Variants in DNAI2 observed in about 807,000 individuals in gnomAD.
DNAI2 encodes the protein dynein axonemal intermediate chain 2, also known as dynein, axonemal, intermediate polypeptide 2.
Under a neutral mutation model 74.7 loss-of-function variants are expected in DNAI2, and 63 were observed. The observed-to-expected ratio is 0.84, with a 90% CI of 0.69 to 1.04. The LOEUF (loss-of-function observed/expected upper bound fraction) is 1.04. Ranked by LOEUF, DNAI2 falls within the 50% of genes least tolerant of loss-of-function variation. DNAI2 has a pLI of 0.00. For synonymous variants in DNAI2, 289 were observed against 314.9 expected (o/e 0.92, Z 0.87); for missense variants, 688 against 803.2 (o/e 0.86, Z 1.73).
intron 12 of DNAI2, among the ~76,000 whole-genome samples, chr17:74,312,864 A>T (rs1376137066): frequency 1.3e-5 from 2 of 152,196 alleles, no homozygotes; most frequent in Non-Finnish European, 2.9e-5. Flanking sequence ...GGAAGAAAAG[A>T]CATTGCCTGT....
intron 8 of DNAI2, among the ~76,000 whole-genome samples, chr17:74,304,186 C>CTTTTTT (rs56696514): frequency 7.9e-3 from 533 of 67,632 alleles, no homozygotes; most frequent in Non-Finnish European, 0.011. Context: ...TTTCTTTTTT[C>CTTTTTT]TTTTTTTTTT....
chr17:74,314,111 T>A lies in DNAI2; in HGVS notation c.1723-10T>A. On this transcript the variant is annotated splice_polypyrimidine_tract_variant and intron_variant, in intron 12 of 13. Transcript: ENST00000311014. ...CAACACCAACACTTCTGTGCTGTCTTCCCCTGCAGCAGCAACCAAGTCCAG... is the reference window on the plus strand; with the variant it reads ...CAACACCAACACTTCTGTGCTGTCTACCCCTGCAGCAGCAACCAAGTCCAG... 1 of 1,613,416 alleles carries A rather than the reference T, an allele frequency of 6.2e-7. No individual in the cohort carries two copies. Among genetic ancestry groups the A allele is most frequent in the Non-Finnish European group, 8.5e-7 (1 of 1,179,646 alleles).
At chr17:74,281,412 C>T in intron 1 of DNAI2, 1 of 409,236 alleles carries the variant, frequency 2.4e-6, no homozygotes, top group Non-Finnish European at 4.4e-6. Context: ...GTGTGCACCA[C>T]CATGCCCGGC....
Position 74,281,935 on chromosome 17 carries a change from C to T in DNAI2, c.118C>T (p.Gln40Ter). 6.2e-7 allele frequency: 1 copy of T among 1,614,192 alleles called. No homozygotes were observed. The highest frequency in any genetic ancestry group is 1.1e-5 in the South Asian group (1 of 91,086). ...CATGCCCAACCCTGAGCTGGCCGAG[C>T]AGTTCGTGGAGCGGAACCCAGTGGA... ...DIMPNPELAE[Q>*]FVERNPVDTG... Residue 40 changes from glutamine (Q) to a stop codon, truncating the protein, a stop_gained, in exon 2 of 14, where the codon CAG (glutamine) becomes TAG (stop). Coordinates refer to ENST00000311014, the MANE Select transcript of DNAI2 (RefSeq NM_023036.6). LOFTEE classifies it high-confidence loss of function.
At chr17:74,280,841 C>G (rs1289226074) in intron 1 of DNAI2, among the ~76,000 whole-genome samples, 3 of 152,022 alleles carry the variant, frequency 2.0e-5, no homozygotes, top group African/African-American at 7.2e-5. Flanking sequence ...AATCCCAGCA[C>G]TTTGGGAGGC....
At chr17:74,276,529 C>T (rs139392038) in intron 1 of DNAI2, among the ~76,000 whole-genome samples, 152 of 152,270 alleles carry the variant, frequency 1.0e-3, no homozygotes, top group African/African-American at 3.4e-3. Context: ...CCTCCTGAGA[C>T]GCCCTTTGCT....
intron 2 of DNAI2, among the ~76,000 whole-genome samples, chr17:74,284,117 A>G (rs2051549387): frequency 6.7e-6 from 1 of 150,090 alleles, no homozygotes; most frequent in African/African-American, 2.5e-5. Context: ...CAGCCTGGGC[A>G]ACAAGAGCGA....
chr17:74,309,408 T>C lies in DNAI2; in HGVS notation c.1347+20T>C. On this transcript the variant is annotated intron_variant, in intron 10 of 13. Coordinates refer to ENST00000311014, the MANE Select transcript of DNAI2 (RefSeq NM_023036.6). Reference sequence around the variant, plus strand: ...TTGAAGGTCACGCGCATGTCCCTCCTTGTGCATCCAGGTCCTCAGGGAGCC... The same window carrying C: ...TTGAAGGTCACGCGCATGTCCCTCCCTGTGCATCCAGGTCCTCAGGGAGCC... The C allele has an allele frequency of 6.2e-7, 1 of 1,614,136 alleles. No homozygotes were observed. Among genetic ancestry groups the C allele is most frequent in the Admixed American group, 1.7e-5 (1 of 60,020 alleles).
In DNAI2 at chr17:74,300,698, G is replaced by A. The variant is rs188108363; in HGVS notation, c.865-348G>A. Among the ~76,000 whole-genome samples the A allele has an allele frequency of 3.3e-5, 5 of 152,264 alleles. No individual in the cohort carries two copies. Among genetic ancestry groups the A allele is most frequent in the Admixed American group, 6.5e-5 (1 of 15,288 alleles). On this transcript the variant is annotated intron_variant, in intron 7 of 13. Coordinates refer to ENST00000311014, the MANE Select transcript of DNAI2 (RefSeq NM_023036.6). The surrounding 1 kb of genome is among the most constrained non-coding windows in gnomAD (Gnocchi z 4.5). ...TTGCTGGCAGTGGGACTTCTAGGTC[G>A]GAGCACACATGCATTTTTAACATTG...
chr17:74,300,846 C>T lies in DNAI2; in HGVS notation c.865-200C>T, dbSNP rs778105683. Among the ~76,000 whole-genome samples the T allele has an allele frequency of 3.3e-5, 5 of 152,162 alleles. No homozygotes were observed. Among genetic ancestry groups the T allele is most frequent in the Non-Finnish European group, 5.9e-5 (4 of 68,034 alleles). On this transcript the variant is annotated intron_variant, in intron 7 of 13. Coordinates refer to ENST00000311014, the MANE Select transcript of DNAI2 (RefSeq NM_023036.6). This position sits in a 1 kb window ranked among gnomAD's most constrained non-coding sequence, Gnocchi z 4.5. ...ATCTGGGTTGTATGAAGCTTGCCGG[C>T]GACTCTGATGATCAGCCAGGTGTGG...
At chr17:74,286,828 A>G in intron 3 of DNAI2, 149 bp from the exon 4 acceptor site, 2 of 963,048 alleles carry the variant, frequency 2.1e-6, no homozygotes. Context: ...CCCAGGAACC[A>G]ATTGAAAATT....
chr17:74,276,688 G>C (rs1051784058), intron 1 of DNAI2, among the ~76,000 whole-genome samples: 1 of 152,116 alleles, frequency 6.6e-6, no homozygotes, highest in Non-Finnish European at 1.5e-5. Context: ...GTTCTCACTC[G>C]GGGCTTGGCC....
At chr17:74,305,764 C>T (rs2053158314) in intron 9 of DNAI2, among the ~76,000 whole-genome samples, 1 of 150,724 alleles carries the variant, frequency 6.6e-6, no homozygotes, top group African/African-American at 2.5e-5. Flanking sequence ...CTCCACCTCC[C>T]AGGTTCAAGA....
chr17:74,297,696 T>C (rs530291321), intron 6 of DNAI2, among the ~76,000 whole-genome samples: 196 of 152,086 alleles, frequency 1.3e-3, no homozygotes, highest in Non-Finnish European at 2.4e-3. Context: ...CTGCTTTTTT[T>C]TTTTTTTAAT....
intron 2 of DNAI2, among the ~76,000 whole-genome samples, chr17:74,282,700 C>T (rs1045996741): frequency 6.6e-6 from 1 of 152,212 alleles, no homozygotes; most frequent in African/African-American, 2.4e-5. Flanking sequence ...CCAGAGGGGC[C>T]TCCACGATAA....
intron 6 of DNAI2, 27 bp from the exon 7 acceptor site, chr17:74,299,691 C>A: frequency 1.2e-6 from 2 of 1,613,068 alleles, no homozygotes; most frequent in Non-Finnish European, 1.7e-6. Flanking sequence ...CCCCCTTCCA[C>A]TCCTTCTTCA....
intron 1 of DNAI2, 156 bp from the exon 2 acceptor site, chr17:74,281,651 G>A (rs1334639235): frequency 3.0e-6 from 2 of 667,072 alleles, no homozygotes; most frequent in South Asian, 1.8e-5. Context: ...TTTTTAATGC[G>A]GATGCAGCTT....
intron 8 of DNAI2, among the ~76,000 whole-genome samples, chr17:74,304,482 C>T (rs767895543): frequency 6.6e-6 from 1 of 152,046 alleles, no homozygotes; most frequent in Non-Finnish European, 1.5e-5. Context: ...GAAGTTAAGA[C>T]AGAACAGTAA....
At chr17:74,304,156 CTTTTCTTTTCTTTTTTCT>C (rs2053031638) in intron 8 of DNAI2, among the ~76,000 whole-genome samples, 4 of 102,508 alleles carry the variant, frequency 3.9e-5, no homozygotes, top group African/African-American at 3.4e-5. Flanking sequence ...GTTCTTTTTT[CTTTTCTTTTCTTTTTTCT>C]TTTTCTTTTT....
Sources: allele counts gnomAD v4.1 joint callset (sites outside exome capture counted in the v4.1 genomes callset), GRCh38; gene constraint gnomAD v4.1.1; non-coding constraint Gnocchi (gnomAD v3.1); transcripts MANE v1.5; gene names NCBI Gene and HGNC (gene_info 2026-07-23, HGNC 2026-07-21).